The following TOM1L1 variants were observed in gnomAD, a reference collection of about 807,000 sequenced individuals.
TOM1L1 encodes the protein TOM1-like protein 1.
In TOM1L1, 64 loss-of-function variants were observed where a neutral mutation model predicts 63.4. The observed-to-expected ratio is 1.01, with a 90% CI of 0.83 to 1.24. The LOEUF is 1.24. TOM1L1 is among the 50% of genes most tolerant of loss of function. TOM1L1 has a pLI of 0.00. For missense variants in TOM1L1, 536 were observed against 567.0 expected (o/e 0.95, Z 0.55); for synonymous variants, 166 against 194.4 (o/e 0.85, Z 1.22).
In TOM1L1 at chr17:54,930,165, G is replaced by A. The variant is rs1263773177; in HGVS notation, c.813G>A (p.Gln271=). Reference sequence around the variant, plus strand: ...AAGATGTAACTGTTGAGCTAATTCAGGTGAATGAGGATTTGAATAATGCTA... The same window carrying A: ...AAGATGTAACTGTTGAGCTAATTCAAGTGAATGAGGATTTGAATAATGCTA... The part of the protein sequence containing the change: ...ENEDVTVELI[Q]VNEDLNNAIL... The change falls in exon 8 of 16, where the codon CAG becomes CAA. Residue 271 remains glutamine, a synonymous_variant. Coordinates refer to ENST00000575882, the MANE Select transcript of TOM1L1 (RefSeq NM_005486.3). 1 of 1,613,966 alleles carries A rather than the reference G, an allele frequency of 6.2e-7. No homozygotes were observed. The highest frequency in any genetic ancestry group is 1.7e-5 in the Admixed American group (1 of 60,002).
rs2048313471 is a variant in TOM1L1 at position 54,900,922 on chromosome 17, A to G, written c.57A>G (p.Ile19Met). ...ACGCGACCTCCGTGGGCCACCTCAT[A>G]GGTAAGGAGGCGCGGGGAGAGACGC... ...DPYATSVGHLIEKATFAGVQT... is the reference protein window; with the variant it reads ...DPYATSVGHLMEKATFAGVQT... The change falls in exon 1 of 16, where the codon ATA (isoleucine) becomes ATG (methionine). Residue 19 changes from isoleucine (I) to methionine (M), a missense_variant and splice_region_variant. Coordinates refer to ENST00000575882, the MANE Select transcript of TOM1L1 (RefSeq NM_005486.3). 1.2e-6 allele frequency: 2 copies of G among 1,613,866 alleles called. No individual in the cohort carries two copies. The highest frequency in any genetic ancestry group is 1.7e-6 in the Non-Finnish European group (2 of 1,179,980).
At chr17:54,950,961 A>T (rs2049217103) in intron 14 of TOM1L1, among the ~76,000 whole-genome samples, 1 of 152,148 alleles carries the variant, frequency 6.6e-6, no homozygotes, top group Non-Finnish European at 1.5e-5. Context: ...TACAATGGAC[A>T]CCAGCTGGGT....
intron 14 of TOM1L1, chr17:54,958,046 GAA>G (rs1487744945): frequency 6.6e-6 from 1 of 152,184 alleles, no homozygotes; most frequent in African/African-American, 2.4e-5. Context: ...TTAGTTAAGT[GAA>G]AAGTTTGGAA....
intron 10 of TOM1L1, 57 bp from the exon 11 acceptor site, chr17:54,938,867 C>G: frequency 1.0e-6 from 1 of 985,138 alleles, no homozygotes; most frequent in East Asian, 2.7e-5. Context: ...GTAGAAAATC[C>G]AGCATAACTG....
intron 2 of TOM1L1, among the ~76,000 whole-genome samples, 182 bp downstream of exon 2, chr17:54,903,974 T>C (rs2048368584): frequency 6.6e-6 from 1 of 152,242 alleles, no homozygotes; most frequent in Admixed American, 6.5e-5. Context: ...TGCTTCAACA[T>C]GTGGAGTATC....
At position 54,949,593 on chromosome 17, in the gene TOM1L1, A is replaced by G. The variant is rs1472539089; in HGVS notation, c.1258A>G (p.Ser420Gly). ...CATTGCAGCAGCACCATCAAACCAG[A>G]GTCTGCCACCTTTGCCCAGCAATCA... The part of the protein sequence containing the change: ...QTIAAAPSNQ[S>G]LPPLPSNHPA... Residue 420 changes from serine to glycine, a missense_variant, in exon 13 of 16, where the codon AGT (serine) becomes GGT (glycine). Transcript: ENST00000575882. 24 of 1,606,450 alleles carry G rather than the reference A, an allele frequency of 1.5e-5. No homozygotes were observed. Among genetic ancestry groups the G allele is most frequent in the Non-Finnish European group, 2.0e-5 (24 of 1,179,876 alleles).
chr17:54,943,843 T>C (rs1283959502), intron 11 of TOM1L1, among the ~76,000 whole-genome samples: 1 of 151,892 alleles, frequency 6.6e-6, no homozygotes, highest in Admixed American at 6.6e-5. Flanking sequence ...CTGGGCGTGG[T>C]GGCAGGCACC....
At chr17:54,943,651 C>T (rs527497510) in intron 11 of TOM1L1, among the ~76,000 whole-genome samples, 1 of 152,052 alleles carries the variant, frequency 6.6e-6, no homozygotes, top group Non-Finnish European at 1.5e-5. Context: ...ACTTATTTTT[C>T]AGTCTACCTA....
chr17:54,902,377 C>T (rs2048340942), intron 1 of TOM1L1, among the ~76,000 whole-genome samples: 1 of 152,160 alleles, frequency 6.6e-6, no homozygotes. Flanking sequence ...GCAACCTCCG[C>T]CTACCGGGTT....
chr17:54,916,173 CAT>C, intron 7 of TOM1L1: 1 of 399,308 alleles, frequency 2.5e-6, no homozygotes, highest in Non-Finnish European at 4.4e-6. Context: ...ACTCAACAAA[CAT>C]TGAGTAACTG....
intron 4 of TOM1L1, among the ~76,000 whole-genome samples, 154 bp from the exon 5 acceptor site, chr17:54,913,594 A>T (rs555857962): frequency 6.8e-6 from 1 of 147,952 alleles, no homozygotes; most frequent in South Asian, 2.1e-4. Flanking sequence ...TGAACCCAGG[A>T]GGCGGAGATT....
rs756568791 is a variant in TOM1L1 at position 54,914,650 on chromosome 17, C to T, written c.510C>T (p.Ile170=). 41 of 1,613,274 alleles carry T rather than the reference C, an allele frequency of 2.5e-5. No homozygotes were observed. In the South Asian group the frequency reaches 4.4e-4, roughly 17 times the overall value. Residue 170 remains isoleucine, a synonymous_variant, in exon 6 of 16, where the codon ATC becomes ATT. Coordinates refer to ENST00000575882, the MANE Select transcript of TOM1L1 (RefSeq NM_005486.3). ...TTTCATACTCATAGACTGCTCAAAT[C>T]TCATCAAATCCTCCAACATCTGTCC... is the stretch of plus-strand genomic sequence containing the variant. ...AETARQETAQ[I]SSNPPTSVPT...
At chr17:54,908,621 G>A (rs9904377) in intron 3 of TOM1L1, among the ~76,000 whole-genome samples, 42,123 of 152,000 alleles carry the variant, frequency 0.28, 5,909 homozygotes, top group Non-Finnish European at 0.3. Flanking sequence ...AGCCTTGATT[G>A]GGCTTTGACG....
chr17:54,939,464 A>T (rs1229304531), intron 11 of TOM1L1, among the ~76,000 whole-genome samples: 1 of 152,196 alleles, frequency 6.6e-6, no homozygotes, highest in Non-Finnish European at 1.5e-5. Flanking sequence ...GTTCAAAATT[A>T]AGAGTAATGG....
intron 7 of TOM1L1, among the ~76,000 whole-genome samples, chr17:54,928,046 A>G (rs550241088): frequency 6.6e-6 from 1 of 152,344 alleles, no homozygotes; most frequent in South Asian, 2.1e-4. Context: ...CAAGGCTGCC[A>G]GTGAGCAACA....
At chr17:54,917,465 A>G (rs976196533) in intron 7 of TOM1L1, 4 of 152,166 alleles carry the variant, frequency 2.6e-5, no homozygotes, top group Non-Finnish European at 1.5e-5. Context: ...TGTACTTTAA[A>G]CATATTTACT....
Position 54,937,199 on chromosome 17 carries a change from A to G in TOM1L1, c.1006A>G (p.Thr336Ala). The stretch of plus-strand genomic sequence containing the variant: ...TAGGGCCACTCTGGGAGAACTCAAC[A>G]CCATGAATAATCAACTTTCAGGCTT... ...MPRATLGELN[T>A]MNNQLSGLNF... Residue 336 changes from threonine (T) to alanine (A), a missense_variant, in exon 10 of 16, where the codon ACC becomes GCC. Thr to Ala is a moderately conservative substitution (Grantham distance 58). Coordinates refer to ENST00000575882, the MANE Select transcript of TOM1L1 (RefSeq NM_005486.3). The G allele has an allele frequency of 6.2e-7, 1 of 1,613,598 alleles. No homozygotes were observed. The highest frequency in any genetic ancestry group is 8.5e-7 in the Non-Finnish European group (1 of 1,179,678).
At chr17:54,904,219 A>T (rs9972892) in intron 2 of TOM1L1, among the ~76,000 whole-genome samples, 27,707 of 151,918 alleles carry the variant, frequency 0.18, 2,703 homozygotes, top group South Asian at 0.27. Context: ...ATACAAAAAA[A>T]ATTAGCCAGG....
At chr17:54,908,177 A>T (rs760944122) in intron 3 of TOM1L1, among the ~76,000 whole-genome samples, 1 of 152,196 alleles carries the variant, frequency 6.6e-6, no homozygotes. Context: ...CAAGAGTCAC[A>T]AGTCATAGGT....
Sources: gnomAD v4.1 joint callset for allele counts (sites outside exome capture counted in the v4.1 genomes callset) on GRCh38, gnomAD v4.1.1 for gene constraint, MANE v1.5 for transcripts, NCBI Gene and HGNC (gene_info 2026-07-23, HGNC 2026-07-21) for gene names.